The following KCNIP2 variants were observed in gnomAD, a reference collection of about 807,000 sequenced individuals.
KCNIP2 encodes the protein potassium voltage-gated channel interacting protein 2, also known as A-type potassium channel modulatory protein KCNIP2.
In KCNIP2, 19 loss-of-function variants were observed where a neutral mutation model predicts 39.0. The observed-to-expected ratio is 0.49, with a 90% CI of 0.34 to 0.71. The LOEUF is 0.71. Among genes scored for constraint, KCNIP2 ranks in the 30% least tolerant of loss-of-function variants. KCNIP2 has a pLI of 0.01. For synonymous variants in KCNIP2, 111 were observed against 131.2 expected, an observed-to-expected ratio of 0.85 and a Z score of 1.05; for missense variants, 261 against 346.0, an observed-to-expected ratio of 0.75 and a Z score of 1.95.
intron 1 of KCNIP2, among the ~76,000 whole-genome samples, chr10:101,841,275 G>A (rs1175665878): frequency 6.6e-6 from 1 of 152,160 alleles, no homozygotes; most frequent in African/African-American, 2.4e-5. Flanking sequence ...CCCTAAATCC[G>A]ATCCCAGGAA....
In KCNIP2 at chr10:101,842,804, G is replaced by A. The variant is rs528145519; in HGVS notation, c.73+692C>T. Among the ~76,000 whole-genome samples, 4 of 152,242 alleles carry A rather than the reference G, an allele frequency of 2.6e-5. No homozygotes were observed. In the East Asian group the frequency reaches 5.8e-4, roughly 22 times the overall value. On this transcript the variant is annotated intron_variant, in intron 1 of 9. Coordinates refer to ENST00000356640, the MANE Select transcript of KCNIP2 (RefSeq NM_173191.3). ...ACGTCATAGACACTCACAGAGCCCC[G>A]CTGCAGACATCACCACATGAAAGTA...
At position 101,828,880 on chromosome 10, in the gene KCNIP2, A is replaced by G; in HGVS notation, c.349-184T>C. The G allele has an allele frequency of 6.5e-7, 1 of 1,543,832 alleles. No individual in the cohort carries two copies. Among genetic ancestry groups the G allele is most frequent in the Non-Finnish European group, 8.7e-7 (1 of 1,143,892 alleles). ...CCAGTGCACAAATAAAAAACATGGA[A>G]CGAAACTGACAGTCTACAGGCGCCA... On this transcript the variant is annotated intron_variant, in intron 4 of 9. Transcript: ENST00000356640. This position sits in a 1 kb window ranked among gnomAD's most constrained non-coding sequence, Gnocchi z 6.6.
chr10:101,831,124 G>A lies in KCNIP2; in HGVS notation c.117C>T (p.Phe39=). 16 of 1,613,192 alleles carry A rather than the reference G, an allele frequency of 9.9e-6. No individual in the cohort carries two copies. The highest frequency in any genetic ancestry group is 1.4e-5 in the Non-Finnish European group (16 of 1,179,744). ...GCCCGCAGCACGGCAGCAGCTTGAG[G>A]AATCGCTGCTTCAGCGCTTTTTTAG... ...GPTKKALKQR[F]LKLLPCCGPQ... The change falls in exon 2 of 10, where the codon TTC becomes TTT. Residue 39 remains phenylalanine (F), a synonymous_variant. Coordinates refer to ENST00000356640, the MANE Select transcript of KCNIP2 (RefSeq NM_173191.3).
chr10:101,835,005 A>G (rs2066109128), intron 1 of KCNIP2, among the ~76,000 whole-genome samples: 1 of 152,106 alleles, frequency 6.6e-6, no homozygotes, highest in Non-Finnish European at 1.5e-5. Context: ...GTATATGGGT[A>G]TGTGAGCTGG....
intron 1 of KCNIP2, among the ~76,000 whole-genome samples, chr10:101,840,856 C>G (rs193092306): frequency 1.2e-3 from 179 of 152,320 alleles, no homozygotes; most frequent in African/African-American, 4.0e-3. Context: ...GGCGCCCCCG[C>G]CCCGGCAACA....
At chr10:101,834,380 G>A in intron 1 of KCNIP2, 1 of 399,248 alleles carries the variant, frequency 2.5e-6, no homozygotes, top group Non-Finnish European at 4.4e-6. Context: ...GGTGGGCCTG[G>A]GGCATGGCCC....
rs765031048 is a variant in KCNIP2, at chr10:101,828,686, C to A, written c.359G>T (p.Ser120Ile). The A allele has an allele frequency of 6.2e-7, 1 of 1,614,164 alleles. No homozygotes were observed. Among genetic ancestry groups the A allele is most frequent in the Admixed American group, 1.7e-5 (1 of 60,024 alleles). Residue 120 changes from serine to isoleucine, a missense_variant, in exon 5 of 10, where the codon AGC (serine) becomes ATC (isoleucine). By Grantham distance (142) the Ser-to-Ile change is moderately radical (BLOSUM62 -2). Transcript: ENST00000356640. This position sits in a 1 kb window ranked among gnomAD's most constrained non-coding sequence, Gnocchi z 6.6. Reference sequence around the variant, plus strand: ...GAAGTTCTCCTCATTGACAATTCCGCTGGGACATTCCTGGAAGGAGAGGGC... The same window carrying A: ...GAAGTTCTCCTCATTGACAATTCCGATGGGACATTCCTGGAAGGAGAGGGC... The part of the protein sequence containing the change: ...LYRGFKNECP[S>I]GIVNEENFKQ...
At chr10:101,835,033 G>A (rs1409208219) in intron 1 of KCNIP2, among the ~76,000 whole-genome samples, 2 of 152,198 alleles carry the variant, frequency 1.3e-5, no homozygotes, top group Non-Finnish European at 2.9e-5. Context: ...TGGTCTGCAT[G>A]TGTAGGAGTG....
At chr10:101,835,186 T>C (rs1308445020) in intron 1 of KCNIP2, among the ~76,000 whole-genome samples, 4 of 152,150 alleles carry the variant, frequency 2.6e-5, no homozygotes, top group Non-Finnish European at 4.4e-5. Flanking sequence ...TGTATTGGCA[T>C]GGAATTGTAT....
rs369988905 is a variant in KCNIP2 at position 101,828,169 on chromosome 10, G to A, written c.579C>T (p.Asp193=). The A allele has an allele frequency of 2.2e-5, 36 of 1,613,734 alleles. No homozygotes were observed. The highest frequency in any genetic ancestry group is 1.6e-4 in the Middle Eastern group (1 of 6,084). Residue 193 remains aspartate (D), a synonymous_variant, in exon 7 of 10, where the codon GAC becomes GAT. Coordinates refer to ENST00000356640, the MANE Select transcript of KCNIP2 (RefSeq NM_173191.3). This position sits in a 1 kb window ranked among gnomAD's most constrained non-coding sequence, Gnocchi z 6.6. ...WAFNLYDLNK[D]GCITKEEMLD... is the part of the protein sequence containing the mutation. ...CCTGCACCTCCTTGGTGATGCAGCC[G>A]TCCTTGTTAAGGTCATACAGGTTGA...
chr10:101,828,876 T>C lies in KCNIP2; in HGVS notation c.349-180A>G, dbSNP rs1761377757. On this transcript the variant is annotated intron_variant, in intron 4 of 9. Coordinates refer to ENST00000356640, the MANE Select transcript of KCNIP2 (RefSeq NM_173191.3). This position sits in a 1 kb window ranked among gnomAD's most constrained non-coding sequence, Gnocchi z 6.6. ...TTTCCCAGTGCACAAATAAAAAACATGGAACGAAACTGACAGTCTACAGGC... is the reference window on the plus strand; with the variant it reads ...TTTCCCAGTGCACAAATAAAAAACACGGAACGAAACTGACAGTCTACAGGC... The C allele has an allele frequency of 6.5e-7, 1 of 1,546,880 alleles. No homozygotes were observed. Among genetic ancestry groups the C allele is most frequent in the Non-Finnish European group, 8.7e-7 (1 of 1,145,538 alleles).
intron 1 of KCNIP2, among the ~76,000 whole-genome samples, chr10:101,840,457 T>C (rs1192153602): frequency 1.3e-5 from 2 of 151,126 alleles, no homozygotes; most frequent in Admixed American, 1.3e-4. Context: ...CTCTCATAAC[T>C]GTTTCTATTT....
Position 101,828,555 on chromosome 10 carries a change from G to C in KCNIP2, c.418+72C>G. 6.9e-6 allele frequency: 11 copies of C among 1,599,050 alleles called. No homozygotes were observed. The highest frequency in any genetic ancestry group is 9.4e-6 in the Non-Finnish European group (11 of 1,167,252). ...ACCCCCCATCACCTTGGCATTCCCA[G>C]CTCCTCCAGAATCCCTCCCTCCCTC... On this transcript the variant is annotated intron_variant, in intron 5 of 9. Coordinates refer to ENST00000356640, the MANE Select transcript of KCNIP2 (RefSeq NM_173191.3). The surrounding 1 kb of genome is among the most constrained non-coding windows in gnomAD (Gnocchi z 6.6).
chr10:101,829,203 C>T lies in KCNIP2; in HGVS notation c.224-4G>A, dbSNP rs936795084. On this transcript the variant is annotated splice_region_variant and splice_polypyrimidine_tract_variant and intron_variant, in intron 3 of 9. Coordinates refer to ENST00000356640, the MANE Select transcript of KCNIP2 (RefSeq NM_173191.3). Reference sequence around the variant, plus strand: ...TCAAATTCATCGTCCACGCTGTCTGCGGGAGCGGTGAGGACAGCCGCGCCT... The same window carrying T: ...TCAAATTCATCGTCCACGCTGTCTGTGGGAGCGGTGAGGACAGCCGCGCCT... 10 of 1,610,244 alleles carry T rather than the reference C, an allele frequency of 6.2e-6. No individual in the cohort carries two copies. Among genetic ancestry groups the T allele is most frequent in the Non-Finnish European group, 8.5e-6 (10 of 1,178,070 alleles).
chr10:101,840,644 C>CTT (rs1351207076), intron 1 of KCNIP2, among the ~76,000 whole-genome samples: 1 of 149,272 alleles, frequency 6.7e-6, no homozygotes, highest in African/African-American at 2.5e-5. Flanking sequence ...CCAGGACTCT[C>CTT]TAACGCCTTA....
At chr10:101,831,274 G>C in intron 1 of KCNIP2, 107 bp from the exon 2 acceptor site, 1 of 871,072 alleles carries the variant, frequency 1.1e-6, no homozygotes, top group Non-Finnish European at 1.8e-6. Context: ...GACCGGGCTG[G>C]GGGAGGAATT....
intron 1 of KCNIP2, among the ~76,000 whole-genome samples, chr10:101,841,355 A>C (rs953167481): frequency 2.0e-5 from 3 of 152,212 alleles, no homozygotes; most frequent in Non-Finnish European, 4.4e-5. Flanking sequence ...ACTCCCCTTC[A>C]TGCTTCAGCT....
Position 101,827,771 on chromosome 10 carries a change from C to T in KCNIP2, c.703-20G>A, listed in dbSNP as rs2065793712. 4 of 1,586,090 alleles carry T rather than the reference C, an allele frequency of 2.5e-6. No homozygotes were observed. The Admixed American group carries it at 6.7e-5, about 26-fold the overall frequency. On this transcript the variant is annotated intron_variant, in intron 8 of 9. Coordinates refer to ENST00000356640, the MANE Select transcript of KCNIP2 (RefSeq NM_173191.3). The stretch of plus-strand genomic sequence containing the variant: ...CATCTTCTGCAAGAAGGTGGTCAGG[C>T]AGGGAGAACAGGAGGGATGGCAAGA...
chr10:101,842,229 A>C (rs2066356833), intron 1 of KCNIP2, among the ~76,000 whole-genome samples: 1 of 152,198 alleles, frequency 6.6e-6, no homozygotes, highest in Admixed American at 6.5e-5. Context: ...CTGCACAATG[A>C]GAGACACAAA....
Sources: allele counts gnomAD v4.1 joint callset (sites outside exome capture counted in the v4.1 genomes callset), GRCh38; gene constraint gnomAD v4.1.1; non-coding constraint Gnocchi (gnomAD v3.1); transcripts MANE v1.5; gene names NCBI Gene and HGNC (gene_info 2026-07-23, HGNC 2026-07-21).